Variants in CSGALNACT1 observed in about 807,000 individuals in gnomAD.
CSGALNACT1 encodes beta4GalNAcT-1.
Under a neutral mutation model 51.0 loss-of-function variants are expected in CSGALNACT1, and 52 were observed. That is an observed-to-expected ratio of 1.02 (90% CI 0.82 to 1.29). The LOEUF (loss-of-function observed/expected upper bound fraction) is 1.29. Among genes scored for constraint, CSGALNACT1 ranks in the 50% most tolerant of loss-of-function variants. The pLI is 0.00. For missense variants in CSGALNACT1, 935 were observed against 679.2 expected (o/e 1.38, Z -4.19); for synonymous variants, 341 against 254.4 (o/e 1.34, Z -3.24).
Position 19,641,110 on chromosome 8 carries a change from C to CCAATAAT in CSGALNACT1, c.-543-39252_-543-39246dup, listed in dbSNP as rs551384243. Among the ~76,000 whole-genome samples, 1,154 of 146,238 alleles carry CCAATAAT rather than the reference C, an allele frequency of 7.9e-3. 6 individuals carry two copies. The highest frequency in any genetic ancestry group is 0.021 in the Middle Eastern group (6 of 280). ...AGGGATGCGGAATCTACCTGTATTA[C>CCAATAAT]CAATAATGGTGACTGGTCTTTTTTT... is the stretch of plus-strand genomic sequence containing the variant. On this transcript the variant is annotated intron_variant, in intron 1 of 9. Coordinates refer to the CSGALNACT1 transcript ENST00000332246.
At position 19,457,726 on chromosome 8, in the gene CSGALNACT1, A is replaced by G. The variant is rs779995765; in HGVS notation, c.851+700T>C. The G allele has an allele frequency of 8.9e-6, 12 of 1,344,638 alleles. No individual in the cohort carries two copies. The Admixed American group carries it at 1.7e-4, about 20-fold the overall frequency. The allele number at this position is 1,344,638 out of a possible 1,614,324, so 83.3% of individuals were successfully genotyped here. A position where few individuals can be genotyped will look rare whatever the true frequency, so the allele number is the denominator to read the frequency against. ...TCACTTAGCTGGTTATCCTCAGCCAATATGTGCATCTGAGCCATCACAGCT... is the reference window on the plus strand; with the variant it reads ...TCACTTAGCTGGTTATCCTCAGCCAGTATGTGCATCTGAGCCATCACAGCT... On this transcript the variant is annotated intron_variant, in intron 5 of 9. Transcript: ENST00000454498.
intron 2 of CSGALNACT1, among the ~76,000 whole-genome samples, chr8:19,595,278 G>C (rs547113397): frequency 6.6e-6 from 1 of 152,234 alleles, no homozygotes; most frequent in Admixed American, 6.5e-5. Context: ...AGCTCTTTGA[G>C]AACAACATGC....
intron 3 of CSGALNACT1, among the ~76,000 whole-genome samples, chr8:19,553,765 T>C (rs1316416511): frequency 6.6e-6 from 1 of 151,202 alleles, no homozygotes; most frequent in East Asian, 1.9e-4. Flanking sequence ...ACCCCAAAGA[T>C]AATAGAAAGG....
chr8:19,687,483 TA>T (rs1022117929), upstream of CSGALNACT1, among the ~76,000 whole-genome samples: 99 of 151,608 alleles, frequency 6.5e-4, no homozygotes, highest in East Asian at 8.3e-3. Flanking sequence ...TGCAAATTAC[TA>T]AAAAAAAATG....
intron 3 of CSGALNACT1, among the ~76,000 whole-genome samples, chr8:19,523,767 TCCTCACCA>T (rs2081166985): frequency 6.6e-6 from 1 of 152,176 alleles, no homozygotes; most frequent in Non-Finnish European, 1.5e-5. Flanking sequence ...GAGATCCCTG[TCCTCACCA>T]GGGTAATGGG....
intron 9 of CSGALNACT1, among the ~76,000 whole-genome samples, chr8:19,406,577 A>G (rs186022364): frequency 9.3e-4 from 139 of 149,202 alleles, no homozygotes; most frequent in South Asian, 1.1e-3. Context: ...AAAACATCAC[A>G]TGTACCCCAT....
At chr8:19,572,542 A>G (rs2043257407) in intron 3 of CSGALNACT1, among the ~76,000 whole-genome samples, 2 of 152,164 alleles carry the variant, frequency 1.3e-5, no homozygotes, top group South Asian at 4.2e-4. Flanking sequence ...CAGCAAATAA[A>G]CCACTTTCTG....
chr8:19,752,077 G>GATA (rs34400863), intron 1 of CSGALNACT1, among the ~76,000 whole-genome samples: 105,927 of 146,828 alleles, frequency 0.72, 38,622 homozygotes, highest in Middle Eastern at 0.88. Flanking sequence ...TATATGATAT[G>GATA]ATGATGATGA....
intron 3 of CSGALNACT1, among the ~76,000 whole-genome samples, chr8:19,572,874 C>T (rs7005023): frequency 0.023 from 3,477 of 152,100 alleles, 150 homozygotes; most frequent in African/African-American, 0.08. Flanking sequence ...ATAAATAATC[C>T]GTAATGAGAT....
At chr8:19,721,336 A>G (rs565784253) in intron 1 of CSGALNACT1, among the ~76,000 whole-genome samples, 2 of 152,328 alleles carry the variant, frequency 1.3e-5, no homozygotes, top group East Asian at 3.9e-4. Context: ...CACCATGTAT[A>G]GAAGGATTCT....
At chr8:19,667,274 A>T (rs2059456181) in intron 1 of CSGALNACT1, among the ~76,000 whole-genome samples, 1 of 151,384 alleles carries the variant, frequency 6.6e-6, no homozygotes, top group Non-Finnish European at 1.5e-5. Flanking sequence ...AAAAAAAAAA[A>T]AAATACAAAA....
intron 1 of CSGALNACT1, among the ~76,000 whole-genome samples, chr8:19,754,470 A>G (rs752837526): frequency 6.6e-6 from 1 of 152,238 alleles, no homozygotes; most frequent in Non-Finnish European, 1.5e-5. Flanking sequence ...CCAAAGACAT[A>G]CAAAGAAAAC....
At chr8:19,493,024 A>T (rs2074698137) in intron 4 of CSGALNACT1, among the ~76,000 whole-genome samples, 1 of 150,766 alleles carries the variant, frequency 6.6e-6, no homozygotes, top group African/African-American at 2.4e-5. Flanking sequence ...ATCGACATCA[A>T]TAAATTCGAT....
chr8:19,710,300 C>A (rs985516267), intron 1 of CSGALNACT1, among the ~76,000 whole-genome samples: 1 of 152,144 alleles, frequency 6.6e-6, no homozygotes, highest in Non-Finnish European at 1.5e-5. Flanking sequence ...GAACTAATTA[C>A]CAGCTGAGAG....
chr8:19,680,564 A>G (rs959657814), intron 1 of CSGALNACT1, among the ~76,000 whole-genome samples: 1 of 29,018 alleles, frequency 3.4e-5, no homozygotes, highest in Non-Finnish European at 8.0e-5. Flanking sequence ...CCCTCGCCCC[A>G]CCCCCCCCCC....
intron 1 of CSGALNACT1, among the ~76,000 whole-genome samples, chr8:19,654,670 A>C (rs184952018): frequency 0.019 from 2,929 of 152,144 alleles, 52 homozygotes; most frequent in South Asian, 0.045. Flanking sequence ...TCAGGCTCCC[A>C]AGTAGCTGGG....
intron 3 of CSGALNACT1, among the ~76,000 whole-genome samples, chr8:19,520,433 C>T (rs548576104): frequency 1.3e-5 from 2 of 152,356 alleles, no homozygotes; most frequent in South Asian, 4.1e-4. Context: ...CTCCCCAGGC[C>T]TATGAGTCCC....
chr8:19,610,812 G>C (rs1180834860), intron 1 of CSGALNACT1, among the ~76,000 whole-genome samples: 1 of 152,258 alleles, frequency 6.6e-6, no homozygotes, highest in Non-Finnish European at 1.5e-5. Flanking sequence ...CCGGGATACG[G>C]AAAGCCCTCT....
At chr8:19,435,097 G>A (rs1473192371) in intron 6 of CSGALNACT1, among the ~76,000 whole-genome samples, 1 of 152,166 alleles carries the variant, frequency 6.6e-6, no homozygotes, top group Non-Finnish European at 1.5e-5. Flanking sequence ...TGATTCCTCT[G>A]AAGGATGCTT....
Sources: allele counts gnomAD v4.1 joint callset (sites outside exome capture counted in the v4.1 genomes callset), GRCh38; gene constraint gnomAD v4.1.1; transcripts MANE v1.5; gene names NCBI Gene and HGNC (gene_info 2026-07-23, HGNC 2026-07-21).